The following NDUFAF6 variants were observed in gnomAD, a reference collection of about 807,000 sequenced individuals.
The protein encoded by NDUFAF6 is NADH:ubiquinone oxidoreductase complex assembly factor 6, also known as NADH dehydrogenase (ubiquinone) complex I, assembly factor 6.
Under a neutral mutation model 40.8 loss-of-function variants are expected in NDUFAF6, and 45 were observed. The observed-to-expected ratio is 1.10, with a 90% CI of 0.87 to 1.42. The LOEUF (loss-of-function observed/expected upper bound fraction) is 1.42. NDUFAF6 is among the 40% of genes most tolerant of loss of function. The probability of loss-of-function intolerance (pLI) is 0.00; values close to 1 mark genes in which losing one functional copy is unlikely to be tolerated. For missense variants in NDUFAF6, 435 were observed against 418.5 expected (o/e 1.04, Z -0.34); for synonymous variants, 185 against 155.9 (o/e 1.19, Z -1.39).
At chr8:94,916,745 A>C (rs1297246186) in intron 1 of NDUFAF6, among the ~76,000 whole-genome samples, 1 of 148,304 alleles carries the variant, frequency 6.7e-6, no homozygotes, top group Non-Finnish European at 1.5e-5. Flanking sequence ...CCTGGGAGGC[A>C]GAGGTTGCAG....
intron 1 of NDUFAF6, among the ~76,000 whole-genome samples, chr8:94,968,341 CAAT>C (rs1230487594): frequency 2.0e-5 from 3 of 152,098 alleles, no homozygotes; most frequent in African/African-American, 7.2e-5. Flanking sequence ...TGGAGACAGG[CAAT>C]AAACAAACGT....
At chr8:95,090,587 G>A (rs1349889602) in intron 2 of NDUFAF6, among the ~76,000 whole-genome samples, 3 of 152,032 alleles carry the variant, frequency 2.0e-5, no homozygotes, top group South Asian at 2.1e-4. Flanking sequence ...TCTTCTCCCC[G>A]CCGTTTCTTA....
intron 2 of NDUFAF6, among the ~76,000 whole-genome samples, chr8:95,008,171 T>A (rs935532046): frequency 1.3e-5 from 2 of 152,166 alleles, no homozygotes; most frequent in African/African-American, 2.4e-5. Flanking sequence ...TCATTTATCC[T>A]TCTCCTCTCT....
intron 1 of NDUFAF6, among the ~76,000 whole-genome samples, chr8:94,935,644 T>G (rs1820907201): frequency 6.6e-6 from 1 of 152,138 alleles, no homozygotes; most frequent in Admixed American, 6.5e-5. Context: ...GTCGGGGTGG[T>G]GAAGATAAAT....
chr8:95,058,014 G>C lies in NDUFAF6; in HGVS notation c.*77G>C. The C allele has an allele frequency of 6.6e-7, 1 of 1,518,728 alleles. No individual in the cohort carries two copies. Among genetic ancestry groups the C allele is most frequent in the Non-Finnish European group, 8.9e-7 (1 of 1,125,888 alleles). 94.1% of individuals were successfully genotyped at this position (1,518,728 alleles called of 1,614,324 possible). A position where few individuals can be genotyped will look rare whatever the true frequency, so the allele number is the denominator to read the frequency against. Reference sequence around the variant, plus strand: ...TAGGATTCTTATTTAGGAACAACAGGAAATGACTGTTAAGGAGAAAATGAA... The same window carrying C: ...TAGGATTCTTATTTAGGAACAACAGCAAATGACTGTTAAGGAGAAAATGAA... On this transcript the variant is annotated 3_prime_UTR_variant, in exon 9 of 9. Transcript: ENST00000396124.
intron 1 of NDUFAF6, chr8:94,940,003 G>A (rs777942237): frequency 6.2e-7 from 1 of 1,614,162 alleles, no homozygotes; most frequent in South Asian, 1.1e-5. Context: ...CCTTGATAGT[G>A]GTTAATCCAC....
chr8:95,094,253 T>G (rs1809363785), intron 2 of NDUFAF6, among the ~76,000 whole-genome samples: 1 of 152,172 alleles, frequency 6.6e-6, no homozygotes, highest in African/African-American at 2.4e-5. Context: ...ATTATAGGCG[T>G]GAGCCACCAC....
At position 95,052,382 on chromosome 8, in the gene NDUFAF6, C is replaced by T. The variant is rs1831536688; in HGVS notation, c.873+152C>T. 6 of 830,642 alleles carry T rather than the reference C, an allele frequency of 7.2e-6. No homozygotes were observed. The South Asian group carries it at 9.4e-5, about 13-fold the overall frequency. The allele number at this position is 830,642 out of a possible 1,614,324, so 51.5% of individuals were successfully genotyped here. ...TGGCGGCTTTCATTAGTTACTGATG[C>T]TTTTGCTGAGGGCCATTTCTGTATT... On this transcript the variant is annotated intron_variant, in intron 8 of 8. Transcript: ENST00000396124.
chr8:94,972,464 C>T (rs1460750686), intron 1 of NDUFAF6, among the ~76,000 whole-genome samples: 1 of 152,132 alleles, frequency 6.6e-6, no homozygotes, highest in Non-Finnish European at 1.5e-5. Context: ...GTCTCTAACT[C>T]CTGAACTCAA....
chr8:94,915,143 G>T (rs887354253), intron 1 of NDUFAF6, among the ~76,000 whole-genome samples: 1 of 151,506 alleles, frequency 6.6e-6, no homozygotes, highest in African/African-American at 2.4e-5. Context: ...AAGAGATGGG[G>T]TCTCCCTGTG....
chr8:95,082,314 A>T (rs77343344), intron 2 of NDUFAF6, among the ~76,000 whole-genome samples: 3,208 of 152,090 alleles, frequency 0.021, 128 homozygotes, highest in African/African-American at 0.074. Flanking sequence ...CTGTCTCATT[A>T]AAAAAATAAA....
intron 2 of NDUFAF6, among the ~76,000 whole-genome samples, chr8:95,092,314 T>C (rs1035068176): frequency 2.6e-5 from 4 of 151,758 alleles, no homozygotes; most frequent in African/African-American, 9.7e-5. Flanking sequence ...CCCAAGTAGC[T>C]GGGATTACAG....
chr8:94,970,031 C>T (rs1215434916), intron 1 of NDUFAF6, among the ~76,000 whole-genome samples: 3 of 151,944 alleles, frequency 2.0e-5, no homozygotes, highest in Non-Finnish European at 2.9e-5. Context: ...CCGAGGCAGG[C>T]GGATCACGAG....
At chr8:94,941,176 G>A in intron 1 of NDUFAF6, 2 of 383,066 alleles carry the variant, frequency 5.2e-6, no homozygotes, top group Non-Finnish European at 9.3e-6. Context: ...CATACCCTTA[G>A]AAGAAAGCAT....
chr8:94,938,408 A>G (rs1372207584), intron 1 of NDUFAF6, among the ~76,000 whole-genome samples: 1 of 152,234 alleles, frequency 6.6e-6, no homozygotes. Flanking sequence ...GTCTCCTGGC[A>G]TACAACTCCT....
intron 4 of NDUFAF6, among the ~76,000 whole-genome samples, chr8:95,044,032 A>G (rs1830441189): frequency 6.6e-6 from 1 of 152,260 alleles, no homozygotes; most frequent in South Asian, 2.1e-4. Flanking sequence ...GTATATCCAT[A>G]CAATGGAATA....
rs1586584506 is a variant in NDUFAF6 at position 94,900,401 on chromosome 8, G to A, written c.-936+4474G>A. On this transcript the variant is annotated intron_variant, in intron 1 of 14. Transcript: ENST00000396113. The stretch of plus-strand genomic sequence containing the variant: ...CTCCTGAGCTCTGAGGACACCAGAG[G>A]CACCAGGGAGTCTAGGTAGATGAGC... Among the ~76,000 whole-genome samples the A allele has an allele frequency of 2.0e-5, 3 of 152,178 alleles. No individual in the cohort carries two copies. The South Asian group carries it at 6.2e-4, about 31-fold the overall frequency.
chr8:95,025,175 G>A lies in NDUFAF6; in HGVS notation c.167G>A (p.Gly56Asp), dbSNP rs1472073642. 3.4e-6 allele frequency: 5 copies of A among 1,477,672 alleles called. No homozygotes were observed. Among genetic ancestry groups the A allele is most frequent in the Admixed American group, 2.5e-5 (1 of 40,278 alleles). 91.5% of individuals were successfully genotyped at this position (1,477,672 alleles called of 1,614,324 possible). A position where few individuals can be genotyped will look rare whatever the true frequency, so the allele number is the denominator to read the frequency against. ...VAAASGPGAWGTDHYCLELLR... is the reference protein window; with the variant it reads ...VAAASGPGAWDTDHYCLELLR... ...GCGGCCAGCGGACCGGGCGCCTGGG[G>A]CACTGACCACTACTGCCTGGAGCTG... The change falls in exon 1 of 9, where the codon GGC becomes GAC. Residue 56 changes from glycine (G) to aspartate (D), a missense_variant. Coordinates refer to ENST00000396124, the MANE Select transcript of NDUFAF6 (RefSeq NM_152416.4).
chr8:95,106,042 G>A (rs374807691), downstream of NDUFAF6, among the ~76,000 whole-genome samples: 9 of 151,698 alleles, frequency 5.9e-5, no homozygotes, highest in East Asian at 5.8e-4. Context: ...TTGGGAGGCC[G>A]AGGTGGGCGG....
Sources: gnomAD v4.1 joint callset for allele counts (sites outside exome capture counted in the v4.1 genomes callset) on GRCh38, gnomAD v4.1.1 for gene constraint, MANE v1.5 for transcripts, NCBI Gene and HGNC (gene_info 2026-07-23, HGNC 2026-07-21) for gene names.